The following MED13 variants were observed in gnomAD, a reference collection of about 807,000 sequenced individuals.
The protein encoded by MED13 is mediator complex subunit 13.
Under a neutral mutation model 225.2 loss-of-function variants are expected in MED13, and 23 were observed. The observed-to-expected ratio is 0.10, with a 90% CI of 0.07 to 0.14. MED13 has a LOEUF of 0.14. MED13 is among the 10% of genes least tolerant of loss of function. The pLI, the probability that MED13 is intolerant of heterozygous loss-of-function variation, is 1.00. For missense variants in MED13, 2,197 were observed against 2,594.5 expected, an observed-to-expected ratio of 0.85 and a Z score of 3.33; for synonymous variants, 942 against 889.2, an observed-to-expected ratio of 1.06 and a Z score of -1.06.
At chr17:62,033,743 C>A in intron 5 of MED13, 44 bp downstream of exon 5, 1 of 1,567,976 alleles carries the variant, frequency 6.4e-7, no homozygotes, top group Admixed American at 1.7e-5. Context: ...CTAACACATA[C>A]AATCATGCAT....
At chr17:62,032,501 A>G (rs186773380) in intron 5 of MED13, 11 of 149,996 alleles carry the variant, frequency 7.3e-5, no homozygotes, top group African/African-American at 2.7e-4. Flanking sequence ...AAAAAAAAAG[A>G]TGAAATAAGG....
At chr17:61,995,876 A>C (rs1449856571) in intron 9 of MED13, among the ~76,000 whole-genome samples, 1 of 152,194 alleles carries the variant, frequency 6.6e-6, no homozygotes. Flanking sequence ...TGTTTCATGA[A>C]AATAGCATTA....
chr17:62,015,942 ATATATATATATATTTTTTTTTTTTTTT>A lies in MED13; in HGVS notation c.1284-4736_1284-4710del, dbSNP rs1315378036. Among the ~76,000 whole-genome samples, 4 of 10,036 alleles carry A rather than the reference ATATATATATATATTTTTTTTTTTTTTT, an allele frequency of 4.0e-4. 1 individual carries two copies. The highest frequency in any genetic ancestry group is 5.5e-3 in the East Asian group (1 of 182). The allele number at this position is 10,036 out of a possible 152,430, so 6.6% of individuals were successfully genotyped here. ...TATATATATATATATATATATATAT[ATATATATATATATTTTTTTTTTTTTTT>A]TTTTTTTTTTTTTTAGTAGAGACCG... On this transcript the variant is annotated intron_variant, in intron 8 of 29. Coordinates refer to ENST00000397786, the MANE Select transcript of MED13 (RefSeq NM_005121.3).
intron 2 of MED13, 80 bp downstream of exon 2, chr17:62,062,987 A>C: frequency 9.2e-7 from 1 of 1,087,004 alleles, no homozygotes; most frequent in Non-Finnish European, 1.3e-6. Context: ...AAACAAACTT[A>C]ATTTGTAATA....
intron 5 of MED13, 62 bp downstream of exon 5, chr17:62,033,725 A>C (rs2080777571): frequency 1.3e-6 from 2 of 1,491,290 alleles, no homozygotes; most frequent in African/African-American, 2.8e-5. Context: ...TTATTCAGCA[A>C]AATATAACTA....
chr17:62,041,902 C>G (rs918279445), intron 3 of MED13, among the ~76,000 whole-genome samples: 1 of 152,146 alleles, frequency 6.6e-6, no homozygotes, highest in Non-Finnish European at 1.5e-5. Flanking sequence ...CATCTTAATT[C>G]TGAGATTATT....
chr17:62,048,296 T>C (rs2080920746), intron 3 of MED13, among the ~76,000 whole-genome samples: 1 of 146,946 alleles, frequency 6.8e-6, no homozygotes, highest in Admixed American at 6.9e-5. Flanking sequence ...TCCCAGCTAC[T>C]TGGGAGGCTG....
At position 61,993,200 on chromosome 17, in the gene MED13, CTTTT is replaced by C. The variant is rs964200883; in HGVS notation, c.2182-583_2182-580del. ...GTCCATGTTCTTTCTTTCTTTCTTTCTTTTTTTTTTTTTTTTTTTGAGACAGAGT... is the reference window on the plus strand; with the variant it reads ...GTCCATGTTCTTTCTTTCTTTCTTTCTTTTTTTTTTTTTTTGAGACAGAGT... On this transcript the variant is annotated intron_variant, in intron 10 of 29. Coordinates refer to ENST00000397786, the MANE Select transcript of MED13 (RefSeq NM_005121.3). Among the ~76,000 whole-genome samples the C allele has an allele frequency of 1.5e-4, 16 of 107,660 alleles. 1 individual carries two copies. In the South Asian group the frequency reaches 3.1e-3, roughly 21 times the overall value. 70.6% of individuals were successfully genotyped at this position (107,660 alleles called of 152,430 possible).
At chr17:61,958,977 G>C (rs893127128) in intron 23 of MED13, among the ~76,000 whole-genome samples, 1 of 151,950 alleles carries the variant, frequency 6.6e-6, no homozygotes, top group Non-Finnish European at 1.5e-5. Context: ...TTTGAGCCCA[G>C]GTCTCTCTGA....
At chr17:61,959,220 A>C (rs745725783) in intron 23 of MED13, among the ~76,000 whole-genome samples, 17 of 151,496 alleles carry the variant, frequency 1.1e-4, no homozygotes, top group Non-Finnish European at 1.5e-5. Flanking sequence ...TCACCATGTC[A>C]GTCAGGCTGG....
At chr17:61,967,909 G>A in intron 18 of MED13, 126 bp downstream of exon 18, 1 of 722,156 alleles carries the variant, frequency 1.4e-6, no homozygotes, top group East Asian at 2.7e-5. Context: ...TGGCTAGTAT[G>A]AGAAATAAAC....
intron 27 of MED13, 111 bp from the exon 28 acceptor site, chr17:61,951,109 TAATAA>T (rs1323728086): frequency 1.3e-6 from 1 of 773,202 alleles, no homozygotes; most frequent in Non-Finnish European, 1.9e-6. Context: ...GACATCGATT[TAATAA>T]AATACTGAAG....
At chr17:61,994,374 G>C (rs544458500) in intron 10 of MED13, among the ~76,000 whole-genome samples, 1 of 152,162 alleles carries the variant, frequency 6.6e-6, no homozygotes, top group African/African-American at 2.4e-5. Flanking sequence ...TCATATATTT[G>C]ATTTTTAAAT....
Position 62,033,901 on chromosome 17 carries a change from C to T in MED13, c.700G>A (p.Gly234Ser), listed in dbSNP as rs780702262. 9 of 1,613,894 alleles carry T rather than the reference C, an allele frequency of 5.6e-6. No homozygotes were observed. The Admixed American group carries it at 6.7e-5, about 12-fold the overall frequency. The stretch of plus-strand genomic sequence containing the variant: ...ATAGGATAGAACTGTTTCCATTCAC[C>T]AATTAATTTTTTTGTAGCTGAATCA... ...MSDSATKKLI[G>S]EWKQFYPISC... Residue 234 changes from glycine (G) to serine (S), a missense_variant, in exon 5 of 30, where the codon GGT becomes AGT. Gly to Ser is a moderately conservative substitution (Grantham distance 56). This residue lies in a region of MED13 where 884 missense variants were observed against 918.5 expected (regional missense o/e 0.96). Transcript: ENST00000397786.
At chr17:62,043,802 ATAT>A (rs772935572) in intron 3 of MED13, among the ~76,000 whole-genome samples, 9 of 152,236 alleles carry the variant, frequency 5.9e-5, no homozygotes, top group Admixed American at 2.6e-4. Context: ...TGCTGACATG[ATAT>A]TATTTTGGAC....
chr17:62,055,072 A>G (rs1285489054), intron 2 of MED13, among the ~76,000 whole-genome samples: 2 of 152,156 alleles, frequency 1.3e-5, no homozygotes, highest in African/African-American at 4.8e-5. Flanking sequence ...GGGAGGCTGA[A>G]GCCAGGTGTG....
chr17:62,026,462 T>G (rs1162062502), intron 8 of MED13, among the ~76,000 whole-genome samples: 1 of 142,060 alleles, frequency 7.0e-6, no homozygotes, highest in African/African-American at 2.6e-5. Context: ...ACAAAATCCA[T>G]CACTGTATTT....
In MED13 at chr17:61,962,851, G is replaced by A. The variant is rs1413841472; in HGVS notation, c.4965C>T (p.Ser1655=). 4 of 1,613,934 alleles carry A rather than the reference G, an allele frequency of 2.5e-6. No homozygotes were observed. The highest frequency in any genetic ancestry group is 3.4e-6 in the Non-Finnish European group (4 of 1,179,998). Residue 1655 remains serine, a synonymous_variant, in exon 21 of 30, where the codon AGC becomes AGT. Coordinates refer to ENST00000397786, the MANE Select transcript of MED13 (RefSeq NM_005121.3). ...DPFTYENTDE[S]TNSSSVWTLG... is the part of the protein sequence containing the mutation. ...ATGTCCACACACTAGAAGAGTTAGT[G>A]CTCTCGTCTGTATTTTCGTATGTAA...
intron 7 of MED13, 52 bp downstream of exon 7, chr17:62,029,799 T>C: frequency 6.6e-7 from 1 of 1,521,582 alleles, no homozygotes; most frequent in South Asian, 1.3e-5. Flanking sequence ...ATCTTCTAAT[T>C]ATAAGTAATT....
Sources: allele counts gnomAD v4.1 joint callset (sites outside exome capture counted in the v4.1 genomes callset), GRCh38; gene constraint gnomAD v4.1.1; regional missense constraint gnomAD v4.1.1; transcripts MANE v1.5; gene names NCBI Gene and HGNC (gene_info 2026-07-23, HGNC 2026-07-21).